The following CSGALNACT1 variants were observed in gnomAD, a reference collection of about 807,000 sequenced individuals.
CSGALNACT1 encodes beta4GalNAcT-1.
Under a neutral mutation model 51.0 loss-of-function variants are expected in CSGALNACT1, and 52 were observed. That is an observed-to-expected ratio of 1.02 (90% confidence interval 0.82 to 1.29). CSGALNACT1 has a LOEUF of 1.29. Among genes scored for constraint, CSGALNACT1 ranks in the 50% most tolerant of loss-of-function variants. The pLI is 0.00. For synonymous variants in CSGALNACT1, 341 were observed against 254.4 expected (o/e 1.34, Z -3.24); for missense variants, 935 against 679.2 (o/e 1.38, Z -4.19).
At chr8:19,701,151 C>A (rs1357554367) in intron 1 of CSGALNACT1, among the ~76,000 whole-genome samples, 1 of 64,510 alleles carries the variant, frequency 1.6e-5, no homozygotes, top group Non-Finnish European at 3.3e-5. Context: ...CATCTATTAT[C>A]CGTTTTTTTT....
At chr8:19,664,658 CACACACAT>C (rs372796196) in intron 1 of CSGALNACT1, among the ~76,000 whole-genome samples, 3,276 of 151,094 alleles carry the variant, frequency 0.022, 51 homozygotes, top group South Asian at 0.05. Context: ...CACACACACA[CACACACAT>C]ACACACATAC....
chr8:19,667,037 AAGG>A lies in CSGALNACT1; in HGVS notation c.-544+15433_-544+15435del, dbSNP rs1317461307. On this transcript the variant is annotated intron_variant, in intron 1 of 9. Coordinates refer to the CSGALNACT1 transcript ENST00000332246. ...AAAGAAAGGAAGGAAGGAAGGAAGGAAGGAAGAAAGAAAGAAAGAAAGAAAGAA... is the reference window on the plus strand; with the variant it reads ...AAAGAAAGGAAGGAAGGAAGGAAGGAAAGAAAGAAAGAAAGAAAGAAAGAA... Among the ~76,000 whole-genome samples the A allele has an allele frequency of 9.6e-4, 42 of 43,846 alleles. 1 individual carries two copies. The highest frequency in any genetic ancestry group is 2.4e-3 in the African/African-American group (17 of 7,020). 28.8% of individuals were successfully genotyped at this position (43,846 alleles called of 152,430 possible).
chr8:19,505,151 A>C (rs1563775015), intron 4 of CSGALNACT1, 50 bp downstream of exon 3: 1 of 1,608,828 alleles, frequency 6.2e-7, no homozygotes, highest in East Asian at 2.2e-5. Context: ...GGTGCCAGGA[A>C]CCCCCAATTC....
At chr8:19,615,234 C>T (rs1454875373) in intron 1 of CSGALNACT1, among the ~76,000 whole-genome samples, 1 of 152,102 alleles carries the variant, frequency 6.6e-6, no homozygotes, top group Non-Finnish European at 1.5e-5. Context: ...ACCCGGGAGG[C>T]AGAGGTTGCA....
intron 1 of CSGALNACT1, among the ~76,000 whole-genome samples, chr8:19,607,701 A>G (rs1380826657): frequency 6.6e-6 from 1 of 152,186 alleles, no homozygotes; most frequent in Non-Finnish European, 1.5e-5. Context: ...AGAACACAAA[A>G]TTTGGCTTTA....
At chr8:19,429,736 T>C (rs2059359586) in intron 6 of CSGALNACT1, among the ~76,000 whole-genome samples, 1 of 152,256 alleles carries the variant, frequency 6.6e-6, no homozygotes, top group East Asian at 1.9e-4. Context: ...CTTTTGGGTA[T>C]ATACCTGGGA....
rs761533601 is a variant in CSGALNACT1, at chr8:19,473,060, G to A, written c.635-14418C>T. 2.6e-5 allele frequency among the ~76,000 whole-genome samples: 4 copies of A among 152,090 alleles called. 1 individual carries two copies. The highest frequency in any genetic ancestry group is 2.1e-4 in the South Asian group (1 of 4,830). The stretch of plus-strand genomic sequence containing the variant: ...CAGTCAAACAGGTCAGGACTCCATA[G>A]CAAGTACTTCACTTGCTCTACCGGC... On this transcript the variant is annotated intron_variant, in intron 4 of 9. Transcript: ENST00000454498.
At chr8:19,573,189 C>G (rs1270492644) in intron 3 of CSGALNACT1, among the ~76,000 whole-genome samples, 1 of 152,210 alleles carries the variant, frequency 6.6e-6, no homozygotes, top group East Asian at 1.9e-4. Context: ...TCTCCTCATC[C>G]AGCTGTACCC....
At chr8:19,665,639 C>T (rs555645450) in intron 1 of CSGALNACT1, among the ~76,000 whole-genome samples, 5 of 152,280 alleles carry the variant, frequency 3.3e-5, no homozygotes, top group Admixed American at 1.3e-4. Flanking sequence ...GGCAAAACCA[C>T]AGTCCACCCA....
At chr8:19,713,777 G>C (rs950382622) in intron 1 of CSGALNACT1, among the ~76,000 whole-genome samples, 3 of 152,190 alleles carry the variant, frequency 2.0e-5, no homozygotes, top group Non-Finnish European at 4.4e-5. Flanking sequence ...CCAGCCTCGA[G>C]ATCTGCAAGA....
intron 3 of CSGALNACT1, among the ~76,000 whole-genome samples, chr8:19,570,684 G>A (rs4282588): frequency 8.6e-5 from 13 of 152,026 alleles, no homozygotes; most frequent in African/African-American, 2.4e-4. Flanking sequence ...GGCAGATCAC[G>A]AGGGTAGGAG....
chr8:19,470,037 A>G (rs1046893017), intron 4 of CSGALNACT1, among the ~76,000 whole-genome samples: 5 of 152,142 alleles, frequency 3.3e-5, no homozygotes, highest in South Asian at 2.1e-4. Flanking sequence ...AAATATTGGA[A>G]AAAGCAACAT....
At chr8:19,628,788 C>T (rs548995589) in intron 1 of CSGALNACT1, among the ~76,000 whole-genome samples, 1 of 151,514 alleles carries the variant, frequency 6.6e-6, no homozygotes, top group East Asian at 1.9e-4. Flanking sequence ...TTCCAATAAG[C>T]AATATTTTTT....
intron 1 of CSGALNACT1, among the ~76,000 whole-genome samples, chr8:19,705,752 G>A (rs1456921416): frequency 1.3e-5 from 2 of 151,698 alleles, no homozygotes; most frequent in Non-Finnish European, 2.9e-5. Context: ...AAAATCCAGA[G>A]AAAAAAATGT....
chr8:19,510,906 G>A (rs970790673), intron 3 of CSGALNACT1, among the ~76,000 whole-genome samples: 6 of 152,164 alleles, frequency 3.9e-5, no homozygotes, highest in Admixed American at 6.5e-5. Flanking sequence ...AGTGCATACC[G>A]GGATTTCTAT....
intron 1 of CSGALNACT1, among the ~76,000 whole-genome samples, chr8:19,736,303 A>C (rs1179541868): frequency 6.6e-6 from 1 of 152,184 alleles, no homozygotes; most frequent in Non-Finnish European, 1.5e-5. Flanking sequence ...TCCTATGACG[A>C]CAGACTTGAG....
At chr8:19,454,018 C>G (rs2063644724) in intron 5 of CSGALNACT1, among the ~76,000 whole-genome samples, 1 of 152,172 alleles carries the variant, frequency 6.6e-6, no homozygotes, top group South Asian at 2.1e-4. Flanking sequence ...AGGAATTTTT[C>G]AGGCATTCTG....
chr8:19,521,002 T>C (rs2080557486), intron 3 of CSGALNACT1, among the ~76,000 whole-genome samples: 1 of 152,148 alleles, frequency 6.6e-6, no homozygotes, highest in Non-Finnish European at 1.5e-5. Context: ...CACTGATAGG[T>C]TAATCTGGAA....
intron 6 of CSGALNACT1, among the ~76,000 whole-genome samples, chr8:19,426,876 CA>C (rs1436298508): frequency 6.6e-6 from 1 of 152,196 alleles, no homozygotes; most frequent in Non-Finnish European, 1.5e-5. Context: ...CCCACAACTG[CA>C]AGGATAGTCT....
Sources: allele counts gnomAD v4.1 joint callset (sites outside exome capture counted in the v4.1 genomes callset), GRCh38; gene constraint gnomAD v4.1.1; transcripts MANE v1.5; gene names NCBI Gene and HGNC (gene_info 2026-07-23, HGNC 2026-07-21).